Variants in IQCM observed in about 807,000 individuals in gnomAD.
The protein encoded by IQCM is IQ domain-containing protein M.
Under a neutral mutation model 57.6 loss-of-function variants are expected in IQCM, and 45 were observed. That is an observed-to-expected ratio of 0.78 (90% confidence interval 0.62 to 1.00). IQCM has a LOEUF of 1.00. Among genes scored for constraint, IQCM ranks in the 50% least tolerant of loss-of-function variants. The pLI is 0.00. For missense variants in IQCM, 468 were observed against 511.6 expected, an observed-to-expected ratio of 0.91 and a Z score of 0.82; for synonymous variants, 148 against 158.9, an observed-to-expected ratio of 0.93 and a Z score of 0.51.
At chr4:149,452,352 A>G (rs963227257) in intron 12 of IQCM, among the ~76,000 whole-genome samples, 4 of 151,520 alleles carry the variant, frequency 2.6e-5, no homozygotes, top group Admixed American at 1.3e-4. Flanking sequence ...ATTCTAAAAT[A>G]TATATGAAAA....
rs563192125 is a variant in IQCM at position 149,798,637 on chromosome 4, T to C, written c.-49+16674A>G. 2.0e-5 allele frequency among the ~76,000 whole-genome samples: 3 copies of C among 151,664 alleles called. No homozygotes were observed. The South Asian group carries it at 6.2e-4, about 31-fold the overall frequency. Reference sequence around the variant, plus strand: ...TGTAAAAACACACATAGACTGAAAATAAAGGGATGGAAAAAGATAGTCCAT... The same window carrying C: ...TGTAAAAACACACATAGACTGAAAACAAAGGGATGGAAAAAGATAGTCCAT... On this transcript the variant is annotated intron_variant, in intron 2 of 13. Transcript: ENST00000636793.
intron 2 of IQCM, among the ~76,000 whole-genome samples, chr4:149,770,493 A>C (rs1770471404): frequency 6.7e-6 from 1 of 150,318 alleles, no homozygotes; most frequent in Non-Finnish European, 1.5e-5. Context: ...AAAATAAAAC[A>C]AAACCTATGG....
intron 13 of IQCM, among the ~76,000 whole-genome samples, chr4:149,419,720 G>C (rs1202512418): frequency 6.6e-6 from 1 of 152,022 alleles, no homozygotes; most frequent in Non-Finnish European, 1.5e-5. Context: ...CAAAGTGGGT[G>C]AAAAATCTTG....
Position 149,452,201 on chromosome 4 carries a change from A to C in IQCM, c.1229-18644T>G, listed in dbSNP as rs1045903731. 4.0e-5 allele frequency among the ~76,000 whole-genome samples: 6 copies of C among 151,812 alleles called. 1 individual carries two copies. The highest frequency in any genetic ancestry group is 6.6e-5 in the Admixed American group (1 of 15,182). Reference sequence around the variant, plus strand: ...ACTAGTAGAAGTTAAGGAAAATCTAAATAAATGGGGAGATATGTCATATAC... The same window carrying C: ...ACTAGTAGAAGTTAAGGAAAATCTACATAAATGGGGAGATATGTCATATAC... On this transcript the variant is annotated intron_variant, in intron 12 of 13. Transcript: ENST00000636793.
At chr4:149,798,867 C>A (rs1773353512) in intron 2 of IQCM, among the ~76,000 whole-genome samples, 1 of 151,806 alleles carries the variant, frequency 6.6e-6, no homozygotes, top group Non-Finnish European at 1.5e-5. Flanking sequence ...AGAGATGGGT[C>A]CCAATACAAT....
chr4:149,810,607 G>A (rs1300492276), intron 2 of IQCM, among the ~76,000 whole-genome samples: 1 of 151,674 alleles, frequency 6.6e-6, no homozygotes, highest in Non-Finnish European at 1.5e-5. Context: ...GTGCCACCAC[G>A]CCCGGCTAAG....
chr4:149,362,655 A>T (rs891081501), intron 13 of IQCM, among the ~76,000 whole-genome samples: 28 of 152,128 alleles, frequency 1.8e-4, no homozygotes, highest in Admixed American at 4.6e-4. Flanking sequence ...CTGTAAGTCC[A>T]ATTAAATCTC....
chr4:149,644,912 G>A (rs1758509386), intron 7 of IQCM, among the ~76,000 whole-genome samples: 1 of 152,154 alleles, frequency 6.6e-6, no homozygotes, highest in South Asian at 2.1e-4. Context: ...AATTTTACTT[G>A]GCACCAGAAG....
chr4:149,545,694 T>A (rs1284152094), intron 12 of IQCM, among the ~76,000 whole-genome samples: 1 of 152,018 alleles, frequency 6.6e-6, no homozygotes, highest in African/African-American at 2.4e-5. Context: ...TGGGTATATA[T>A]CCAAATAAAT....
intron 5 of IQCM, among the ~76,000 whole-genome samples, chr4:149,708,572 C>T (rs554646736): frequency 4.6e-5 from 7 of 152,104 alleles, no homozygotes; most frequent in Non-Finnish European, 1.0e-4. Context: ...GATATTATCA[C>T]TAACAGAAAG....
At chr4:149,443,879 T>C (rs541294055) in intron 12 of IQCM, among the ~76,000 whole-genome samples, 10 of 152,086 alleles carry the variant, frequency 6.6e-5, no homozygotes, top group African/African-American at 2.4e-4. Flanking sequence ...TTTTTTCATA[T>C]AGGGAGATGT....
intron 12 of IQCM, among the ~76,000 whole-genome samples, chr4:149,524,695 A>G (rs1353648602): frequency 6.6e-6 from 1 of 151,876 alleles, no homozygotes; most frequent in East Asian, 1.9e-4. Context: ...CAGAAAATAA[A>G]AGAGTGTAAA....
chr4:149,658,722 T>C lies in IQCM; in HGVS notation c.565+23396A>G, dbSNP rs144503870. Among the ~76,000 whole-genome samples the C allele has an allele frequency of 5.9e-5, 9 of 152,238 alleles. No homozygotes were observed. In the East Asian group the frequency reaches 1.7e-3, roughly 29 times the overall value. Reference sequence around the variant, plus strand: ...CTTTGGTTTAGTTTATTTCTAGGTATCTTAATTTTTTTATAGCTATCATGG... The same window carrying C: ...CTTTGGTTTAGTTTATTTCTAGGTACCTTAATTTTTTTATAGCTATCATGG... On this transcript the variant is annotated intron_variant, in intron 7 of 13. Coordinates refer to ENST00000636793, the MANE Select transcript of IQCM (RefSeq NM_001363507.2).
intron 12 of IQCM, among the ~76,000 whole-genome samples, chr4:149,454,346 C>G (rs1287185157): frequency 2.0e-5 from 3 of 151,604 alleles, no homozygotes; most frequent in Non-Finnish European, 4.4e-5. Context: ...GGGCCATTAT[C>G]CTAAGCGAAC....
chr4:149,739,469 T>A lies in IQCM; in HGVS notation c.37+3186A>T, dbSNP rs922206967. On this transcript the variant is annotated intron_variant, in intron 3 of 13. Coordinates refer to ENST00000636793, the MANE Select transcript of IQCM (RefSeq NM_001363507.2). ...TTTTCCCCAACAGTGTTTATATAAT[T>A]TTTTTTTTTTTTTTAGTCAACCCTC... Among the ~76,000 whole-genome samples the A allele has an allele frequency of 0.015, 63 of 4,298 alleles. 1 individual carries two copies. The East Asian group carries it at 0.29, about 19-fold the overall frequency. 2.8% of individuals were successfully genotyped at this position (4,298 alleles called of 152,430 possible). A position where few individuals can be genotyped will look rare whatever the true frequency, so the allele number is the denominator to read the frequency against.
chr4:149,700,507 A>G (rs918682527), intron 5 of IQCM, among the ~76,000 whole-genome samples: 2 of 151,974 alleles, frequency 1.3e-5, no homozygotes, highest in Admixed American at 6.6e-5. Flanking sequence ...TTTAGCTCAC[A>G]GCTGGGTACC....
intron 12 of IQCM, among the ~76,000 whole-genome samples, chr4:149,444,589 C>T (rs1427252522): frequency 6.6e-6 from 1 of 151,422 alleles, no homozygotes; most frequent in East Asian, 2.0e-4. Context: ...CATAGGATAA[C>T]AAGCTTAAAG....
intron 2 of IQCM, among the ~76,000 whole-genome samples, chr4:149,781,639 A>G (rs1771611083): frequency 6.6e-6 from 1 of 152,236 alleles, no homozygotes; most frequent in African/African-American, 2.4e-5. Flanking sequence ...AATCATAGGT[A>G]CATATAGGAA....
intron 12 of IQCM, among the ~76,000 whole-genome samples, chr4:149,482,494 G>A (rs1240740165): frequency 6.6e-6 from 1 of 151,880 alleles, no homozygotes; most frequent in Non-Finnish European, 1.5e-5. Context: ...ATGAAGGGAT[G>A]TTGAATTTTA....
Sources: allele counts gnomAD v4.1 joint callset (sites outside exome capture counted in the v4.1 genomes callset), GRCh38; gene constraint gnomAD v4.1.1; transcripts MANE v1.5; gene names NCBI Gene and HGNC (gene_info 2026-07-23, HGNC 2026-07-21).